ESRRG: variants seen among roughly 807,000 people sequenced by gnomAD.
ESRRG encodes the protein estrogen related receptor gamma.
A neutral mutation model predicts 44.0 loss-of-function variants in ESRRG; 13 were observed. That is an observed-to-expected ratio of 0.30 (90% CI 0.19 to 0.47). The LOEUF (loss-of-function observed/expected upper bound fraction) is 0.47. Ranked by LOEUF, ESRRG falls within the 20% of genes least tolerant of loss-of-function variation. The pLI is 1.00. For missense variants in ESRRG, 395 were observed against 580.6 expected (o/e 0.68, Z 3.29); for synonymous variants, 215 against 214.6 (o/e 1.00, Z -0.02).
At chr1:216,990,481 T>C (rs987592637) in intron 1 of ESRRG, among the ~76,000 whole-genome samples, 8 of 152,206 alleles carry the variant, frequency 5.3e-5, no homozygotes, top group Non-Finnish European at 8.8e-5. Flanking sequence ...TAATTTCATA[T>C]AGTGTTGACC....
chr1:216,987,367 G>C (rs1024779357), intron 1 of ESRRG, among the ~76,000 whole-genome samples: 3 of 152,172 alleles, frequency 2.0e-5, no homozygotes, highest in Admixed American at 1.3e-4. Flanking sequence ...GACTCCAAGG[G>C]GAGAACAGTC....
At chr1:216,884,357 C>T (rs1380912660) in intron 2 of ESRRG, among the ~76,000 whole-genome samples, 2 of 152,214 alleles carry the variant, frequency 1.3e-5, no homozygotes, top group Non-Finnish European at 2.9e-5. Flanking sequence ...CCAGAGAAAA[C>T]ACATTTCAAT....
intron 2 of ESRRG, among the ~76,000 whole-genome samples, chr1:216,924,024 G>A (rs2062184831): frequency 6.6e-6 from 1 of 152,152 alleles, no homozygotes; most frequent in Non-Finnish European, 1.5e-5. Context: ...CAAAATGAGG[G>A]AGCCCAGAAT....
chr1:217,074,558 G>A (rs1387345794), intron 1 of ESRRG, among the ~76,000 whole-genome samples: 1 of 151,790 alleles, frequency 6.6e-6, no homozygotes, highest in East Asian at 1.9e-4. Flanking sequence ...GTTATATAGG[G>A]TAGGTGCAGT....
At position 216,840,302 on chromosome 1, in the gene ESRRG, T is replaced by A. The variant is rs148051332; in HGVS notation, c.-14+99280A>T. Among the ~76,000 whole-genome samples the A allele has an allele frequency of 3.9e-5, 6 of 152,334 alleles. No homozygotes were observed. In the East Asian group the frequency reaches 9.6e-4, roughly 24 times the overall value. The stretch of plus-strand genomic sequence containing the variant: ...TTAAACCTCATGAACCAACCTGTGC[T>A]AGCTTCCATCTTTTCTTCTGCAGCT... On this transcript the variant is annotated intron_variant, in intron 2 of 7. Coordinates refer to the ESRRG transcript ENST00000359162.
At chr1:217,059,679 A>T (rs2087928211) in intron 1 of ESRRG, among the ~76,000 whole-genome samples, 1 of 152,104 alleles carries the variant, frequency 6.6e-6, no homozygotes. Context: ...GTCTTGCCAA[A>T]GGGATCAAAC....
intron 1 of ESRRG, among the ~76,000 whole-genome samples, chr1:217,050,118 A>G (rs11572413): frequency 4.8e-4 from 73 of 152,344 alleles, no homozygotes; most frequent in African/African-American, 1.7e-3. Flanking sequence ...GAACCTTATT[A>G]GAAGGCAATC....
intron 1 of ESRRG, among the ~76,000 whole-genome samples, chr1:216,715,535 G>A (rs2084665380): frequency 6.6e-6 from 1 of 152,114 alleles, no homozygotes; most frequent in African/African-American, 2.4e-5. Flanking sequence ...AGAAGTTAAT[G>A]TACTAGGATA....
chr1:216,776,359 C>A (rs2152415963), intron 2 of ESRRG, among the ~76,000 whole-genome samples: 1 of 152,164 alleles, frequency 6.6e-6, no homozygotes, highest in East Asian at 1.9e-4. Flanking sequence ...AGGACTTTTC[C>A]TCGCCTCAAA....
At chr1:216,872,490 C>G (rs1420198666) in intron 2 of ESRRG, among the ~76,000 whole-genome samples, 1 of 151,958 alleles carries the variant, frequency 6.6e-6, no homozygotes, top group Non-Finnish European at 1.5e-5. Context: ...TATTTTTTCT[C>G]TCAGTCTGGT....
intron 2 of ESRRG, among the ~76,000 whole-genome samples, chr1:216,908,272 G>C (rs1193651411): frequency 1.3e-5 from 2 of 152,188 alleles, no homozygotes; most frequent in African/African-American, 4.8e-5. Context: ...AGCTATCATA[G>C]GCAGGCAAAC....
intron 2 of ESRRG, among the ~76,000 whole-genome samples, chr1:216,836,321 T>C (rs991234981): frequency 3.0e-4 from 46 of 152,194 alleles, no homozygotes; most frequent in Non-Finnish European, 7.4e-5. Context: ...TTCAAGAATC[T>C]GTCTGTTCAT....
intron 1 of ESRRG, among the ~76,000 whole-genome samples, chr1:216,693,910 T>A (rs2079586149): frequency 6.6e-6 from 1 of 152,208 alleles, no homozygotes; most frequent in Admixed American, 6.5e-5. Context: ...AAAAAAGTTG[T>A]GGACTTTAAA....
intron 2 of ESRRG, among the ~76,000 whole-genome samples, chr1:216,765,767 A>G (rs2093042645): frequency 6.6e-6 from 1 of 152,082 alleles, no homozygotes; most frequent in African/African-American, 2.4e-5. Context: ...TTTTTTTCCT[A>G]CTGGCAGTGG....
At chr1:217,060,508 G>T (rs1466857189) in intron 1 of ESRRG, among the ~76,000 whole-genome samples, 1 of 152,042 alleles carries the variant, frequency 6.6e-6, no homozygotes, top group East Asian at 1.9e-4. Flanking sequence ...TAAGATGAGA[G>T]AGCCAAAGAA....
intron 2 of ESRRG, among the ~76,000 whole-genome samples, chr1:216,751,072 C>A (rs1018005920): frequency 3.3e-5 from 5 of 152,104 alleles, no homozygotes; most frequent in African/African-American, 1.2e-4. Flanking sequence ...TTCAAAGAAA[C>A]AGATTTATTT....
intron 1 of ESRRG, among the ~76,000 whole-genome samples, chr1:216,974,522 TA>T (rs2072451040): frequency 1.3e-5 from 2 of 152,212 alleles, no homozygotes; most frequent in South Asian, 4.1e-4. Flanking sequence ...TTTTTATTCC[TA>T]AACCACATAT....
chr1:216,879,868 CA>C (rs1559964401), intron 2 of ESRRG, among the ~76,000 whole-genome samples: 1 of 152,098 alleles, frequency 6.6e-6, no homozygotes, highest in Non-Finnish European at 1.5e-5. Context: ...ATCTTGGTGG[CA>C]CCAATGAAAT....
At chr1:216,779,305 CATTATATTT>C (rs1559604859) in intron 2 of ESRRG, among the ~76,000 whole-genome samples, 1 of 17,630 alleles carries the variant, frequency 5.7e-5, no homozygotes, top group Non-Finnish European at 9.2e-5. Flanking sequence ...TATTTATAAA[CATTATATTT>C]ATAAATATAA....
Sources: allele counts gnomAD v4.1 joint callset (sites outside exome capture counted in the v4.1 genomes callset), GRCh38; gene constraint gnomAD v4.1.1; transcripts MANE v1.5; gene names NCBI Gene and HGNC (gene_info 2026-07-23, HGNC 2026-07-21).